Variants in GRM8 observed in about 807,000 individuals in gnomAD.
GRM8 encodes metabotropic glutamate receptor 8.
In GRM8, 47 loss-of-function variants were observed where a neutral mutation model predicts 87.2. That is an observed-to-expected ratio of 0.54 (90% CI 0.43 to 0.69). The LOEUF is 0.69. GRM8 is among the 30% of genes least tolerant of loss of function. The pLI, the probability that GRM8 is intolerant of heterozygous loss-of-function variation, is 0.00. For synonymous variants in GRM8, 396 were observed against 404.5 expected, an observed-to-expected ratio of 0.98 and a Z score of 0.25; for missense variants, 1,019 against 1,139.2, an observed-to-expected ratio of 0.89 and a Z score of 1.52.
At chr7:127,139,814 T>A (rs1828158302) in intron 2 of GRM8, among the ~76,000 whole-genome samples, 1 of 151,668 alleles carries the variant, frequency 6.6e-6, no homozygotes, top group African/African-American at 2.4e-5. Context: ...TTATACAGAG[T>A]GAAAAAGAGT....
chr7:126,606,694 C>T (rs531557347), intron 8 of GRM8, among the ~76,000 whole-genome samples: 2 of 152,206 alleles, frequency 1.3e-5, no homozygotes, highest in African/African-American at 2.4e-5. Flanking sequence ...TTTTCCATTT[C>T]GGTAAAACCC....
chr7:127,238,860 G>A (rs1587355421), intron 2 of GRM8, among the ~76,000 whole-genome samples: 1 of 152,344 alleles, frequency 6.6e-6, no homozygotes, highest in Non-Finnish European at 1.5e-5. Flanking sequence ...TGCAGTCTCT[G>A]TTGGGGCTAA....
At chr7:127,089,601 T>G (rs933944265) in intron 3 of GRM8, among the ~76,000 whole-genome samples, 2 of 152,210 alleles carry the variant, frequency 1.3e-5, no homozygotes, top group African/African-American at 4.8e-5. Context: ...CATTTTAAAA[T>G]GTGGAGCTAA....
intron 7 of GRM8, among the ~76,000 whole-genome samples, chr7:126,709,052 C>A (rs1374298417): frequency 6.6e-6 from 1 of 151,766 alleles, no homozygotes; most frequent in Admixed American, 6.6e-5. Context: ...GTATTACAAA[C>A]AATATGTTAT....
chr7:126,825,280 A>C (rs1794656994), intron 6 of GRM8, among the ~76,000 whole-genome samples: 1 of 152,062 alleles, frequency 6.6e-6, no homozygotes, highest in Non-Finnish European at 1.5e-5. Context: ...GCTAGCCAGG[A>C]TGGTCTCAAT....
chr7:127,227,931 C>T (rs1311213980), intron 2 of GRM8, among the ~76,000 whole-genome samples: 4 of 152,106 alleles, frequency 2.6e-5, no homozygotes, highest in South Asian at 4.2e-4. Flanking sequence ...TTCTAGCCAG[C>T]GATATACGGA....
chr7:127,140,705 C>T (rs900580759), intron 2 of GRM8, among the ~76,000 whole-genome samples: 7 of 152,088 alleles, frequency 4.6e-5, no homozygotes, highest in Admixed American at 1.3e-4. Flanking sequence ...CCAATTTTGT[C>T]TCTCAAGAAC....
At chr7:127,053,797 A>AG (rs1563456930) in intron 3 of GRM8, among the ~76,000 whole-genome samples, 699 of 55,054 alleles carry the variant, frequency 0.013, 16 homozygotes, top group African/African-American at 0.049. Context: ...CAAAAAAAAA[A>AG]AGGGGGGGGG....
intron 10 of GRM8, among the ~76,000 whole-genome samples, chr7:126,440,889 C>CA: frequency 6.6e-6 from 1 of 152,028 alleles, no homozygotes; most frequent in East Asian, 1.9e-4. Context: ...TTTAATCTGT[C>CA]AAAATCAGTA....
intron 7 of GRM8, among the ~76,000 whole-genome samples, chr7:126,682,162 A>AT (rs1159587922): frequency 1.3e-5 from 2 of 152,184 alleles, no homozygotes; most frequent in African/African-American, 4.8e-5. Context: ...ATACACGTTT[A>AT]TTTTCCCTTC....
intron 6 of GRM8, among the ~76,000 whole-genome samples, chr7:126,868,273 CATCAGGAGTT>C (rs1027727488): frequency 6.6e-6 from 1 of 152,240 alleles, no homozygotes; most frequent in Non-Finnish European, 1.5e-5. Context: ...CCAACAGGGG[CATCAGGAGTT>C]GAAAGAGTGG....
At chr7:126,483,087 T>C (rs951026055) in intron 9 of GRM8, among the ~76,000 whole-genome samples, 8 of 148,088 alleles carry the variant, frequency 5.4e-5, no homozygotes, top group African/African-American at 2.0e-4. Flanking sequence ...CATATATAAC[T>C]ATATTTATTT....
intron 2 of GRM8, among the ~76,000 whole-genome samples, chr7:127,156,793 G>C (rs142658587): frequency 6.6e-6 from 1 of 152,120 alleles, no homozygotes; most frequent in African/African-American, 2.4e-5. Flanking sequence ...AGAGGGAAGA[G>C]AGATTATTGA....
intron 9 of GRM8, among the ~76,000 whole-genome samples, chr7:126,478,506 A>G (rs1009911546): frequency 3.3e-5 from 5 of 152,084 alleles, no homozygotes; most frequent in African/African-American, 1.2e-4. Context: ...AATACCTAAC[A>G]GTAAATAATC....
chr7:127,062,143 A>G, intron 3 of GRM8, among the ~76,000 whole-genome samples: 1 of 15,800 alleles, frequency 6.3e-5, no homozygotes, highest in Non-Finnish European at 2.0e-4. Flanking sequence ...GACTCCATCA[A>G]AAAAAAAAAA....
intron 3 of GRM8, among the ~76,000 whole-genome samples, chr7:126,916,361 C>T (rs1803902441): frequency 6.6e-6 from 1 of 152,110 alleles, no homozygotes; most frequent in African/African-American, 2.4e-5. Context: ...AAATAAGAAG[C>T]CACTGTTTCC....
intron 6 of GRM8, among the ~76,000 whole-genome samples, chr7:126,823,193 T>G (rs747151154): frequency 2.0e-5 from 3 of 152,216 alleles, no homozygotes; most frequent in Non-Finnish European, 4.4e-5. Flanking sequence ...AACTGACACA[T>G]AAGCTGACCA....
At chr7:127,175,813 C>A (rs1427706306) in intron 2 of GRM8, among the ~76,000 whole-genome samples, 1 of 152,072 alleles carries the variant, frequency 6.6e-6, no homozygotes, top group African/African-American at 2.4e-5. Context: ...TGAGGGAATT[C>A]ATTACCAGAA....
At chr7:127,191,993 G>A (rs946697492) in intron 2 of GRM8, among the ~76,000 whole-genome samples, 3 of 152,044 alleles carry the variant, frequency 2.0e-5, no homozygotes, top group Admixed American at 6.6e-5. Flanking sequence ...TCTTGGTTTT[G>A]CATGTATGTT....
Sources: gnomAD v4.1 joint callset for allele counts (sites outside exome capture counted in the v4.1 genomes callset) on GRCh38, gnomAD v4.1.1 for gene constraint, MANE v1.5 for transcripts, NCBI Gene and HGNC (gene_info 2026-07-23, HGNC 2026-07-21) for gene names.